The following TRPT1 variants were observed in gnomAD, a reference collection of about 807,000 sequenced individuals.
TRPT1 encodes the protein tRNA phosphotransferase 1.
Under a neutral mutation model 28.4 loss-of-function variants are expected in TRPT1, and 22 were observed. That is an observed-to-expected ratio of 0.78 (90% CI 0.55 to 1.11). TRPT1 has a LOEUF of 1.11. Among genes scored for constraint, TRPT1 ranks in the 50% least tolerant of loss-of-function variants. The pLI, the probability that TRPT1 is intolerant of heterozygous loss-of-function variation, is 0.00. For missense variants in TRPT1, 308 were observed against 317.7 expected (o/e 0.97, Z 0.23); for synonymous variants, 137 against 132.4 (o/e 1.03, Z -0.24).
intron 1 of TRPT1, 25 bp from the exon 2 acceptor site, chr11:64,225,894 G>T (rs1252996124): frequency 2.8e-6 from 4 of 1,406,856 alleles, no homozygotes; most frequent in East Asian, 2.5e-5. Flanking sequence ...GACGAGGGGG[G>T]ACTGCTTTAA....
chr11:64,224,779 G>T, intron 4 of TRPT1, 22 bp downstream of exon 4: 3 of 1,612,184 alleles, frequency 1.9e-6, no homozygotes, highest in Non-Finnish European at 2.5e-6. Context: ...ATCTCGTCTC[G>T]CACTTGTCCC....
chr11:64,225,874 G>A lies in TRPT1; in HGVS notation c.-9-5C>T. 4.5e-6 allele frequency: 7 copies of A among 1,539,506 alleles called. No individual in the cohort carries two copies. The highest frequency in any genetic ancestry group is 1.7e-4 in the Middle Eastern group (1 of 5,960). On this transcript the variant is annotated splice_region_variant and splice_polypyrimidine_tract_variant and intron_variant, in intron 1 of 7. Coordinates refer to ENST00000317459, the MANE Select transcript of TRPT1 (RefSeq NM_001033678.4). ...AGAGAAGTTCATGGTTAAGACCTGTGGGGGGCAGTGACGAGGGGGGACTGC... is the reference window on the plus strand; with the variant it reads ...AGAGAAGTTCATGGTTAAGACCTGTAGGGGGCAGTGACGAGGGGGGACTGC...
chr11:64,224,210 TCTG>T lies in TRPT1; in HGVS notation c.560-3_560-1del. The T allele has an allele frequency of 6.2e-7, 1 of 1,612,452 alleles. No individual in the cohort carries two copies. Among genetic ancestry groups the T allele is most frequent in the Non-Finnish European group, 8.5e-7 (1 of 1,178,876 alleles). On this transcript the variant is annotated splice_acceptor_variant and splice_polypyrimidine_tract_variant and intron_variant, in intron 6 of 7. Coordinates refer to ENST00000317459, the MANE Select transcript of TRPT1 (RefSeq NM_001033678.4). LOFTEE classifies it high-confidence loss of function. ...GGCAGAGCGGAAGAAGGGTATTCCA[TCTG>T]CTGACAGAGCCAGAGATGTGACTCA...
Position 64,224,099 on chromosome 11 carries a change from C to T in TRPT1, c.670+1G>A, listed in dbSNP as rs779904553. On this transcript the variant is annotated splice_donor_variant, in intron 7 of 7. Coordinates refer to ENST00000317459, the MANE Select transcript of TRPT1 (RefSeq NM_001033678.4). LOFTEE classifies it high-confidence loss of function. ...ATAGGGGCTGGGGTGGTGGTTCTCA[C>T]GGGTAGGGCGTAGCTGCAGGGCCTC... 25 of 1,606,152 alleles carry T rather than the reference C, an allele frequency of 1.6e-5. No homozygotes were observed. Among genetic ancestry groups the T allele is most frequent in the African/African-American group, 6.7e-5 (5 of 74,704 alleles).
At position 64,224,100 on chromosome 11, in the gene TRPT1, G is replaced by T. The variant is rs375889630; in HGVS notation, c.670C>A (p.Arg224=). 4 of 1,606,858 alleles carry T rather than the reference G, an allele frequency of 2.5e-6. No individual in the cohort carries two copies. Among genetic ancestry groups the T allele is most frequent in the Admixed American group, 1.7e-5 (1 of 59,468 alleles). Residue 224 remains arginine, a splice_region_variant and synonymous_variant, in exon 7 of 8, where the codon CGA becomes AGA. Coordinates refer to ENST00000317459, the MANE Select transcript of TRPT1 (RefSeq NM_001033678.4). ...FKEALQLRPT[R]KPLSLAGDEE... Reference sequence around the variant, plus strand: ...TAGGGGCTGGGGTGGTGGTTCTCACGGGTAGGGCGTAGCTGCAGGGCCTCC... The same window carrying T: ...TAGGGGCTGGGGTGGTGGTTCTCACTGGTAGGGCGTAGCTGCAGGGCCTCC...
chr11:64,225,904 A>G (rs1190992887), intron 1 of TRPT1, 35 bp from the exon 2 acceptor site: 2 of 1,284,094 alleles, frequency 1.6e-6, no homozygotes, highest in African/African-American at 1.5e-5. Context: ...GACTGCTTTA[A>G]GGCCCCTTCC....
At chr11:64,225,652 G>A (rs1946958768) in intron 2 of TRPT1, 72 bp from the exon 3 acceptor site, 3 of 1,480,094 alleles carry the variant, frequency 2.0e-6, no homozygotes, top group East Asian at 4.9e-5. Context: ...AACCCTCAAT[G>A]ACCCACTGCA....
At chr11:64,225,657 A>C in intron 2 of TRPT1, 77 bp from the exon 3 acceptor site, 2 of 1,459,206 alleles carry the variant, frequency 1.4e-6, no homozygotes, top group Non-Finnish European at 1.9e-6. Flanking sequence ...TCAATGACCC[A>C]CTGCAGAGAG....
rs1946792289 is a variant in TRPT1, at chr11:64,223,908, T to C, written c.730A>G (p.Ser244Gly). 6.2e-7 allele frequency: 1 copy of C among 1,612,682 alleles called. No individual in the cohort carries two copies. Among genetic ancestry groups the C allele is most frequent in the Non-Finnish European group, 8.5e-7 (1 of 1,179,338 alleles). Reference protein sequence around the residue: ...ETECQSSPKHSSRERRRIQQ With the variant: ...ETECQSSPKHGSRERRRIQQ ...TGGATCCTCCTCCTTTCTCTGGAGC[T>C]GTGCTTGGGGCTACTCTGACACTCT... is the stretch of plus-strand genomic sequence containing the variant. Residue 244 changes from serine to glycine, a missense_variant, in exon 8 of 8, where the codon AGC becomes GGC. Coordinates refer to ENST00000317459, the MANE Select transcript of TRPT1 (RefSeq NM_001033678.4).
Position 64,225,580 on chromosome 11 carries a change from C to T in TRPT1, c.76G>A (p.Asp26Asn), listed in dbSNP as rs779132385. The T allele has an allele frequency of 1.7e-5, 28 of 1,609,608 alleles. No individual in the cohort carries two copies. Among genetic ancestry groups the T allele is most frequent in the Middle Eastern group, 1.6e-4 (1 of 6,080 alleles). Residue 26 changes from aspartate (D) to asparagine (N), a missense_variant and splice_region_variant, in exon 3 of 8, where the codon GAC becomes AAC. Transcript: ENST00000317459. ...GCCTTGGACAGCTGCACGTCTCGGT[C>T]CTGAAAGAACCCAGCGGTGGCCCCT... The part of the protein sequence containing the change: ...GRRAPRPREQ[D>N]RDVQLSKALS...
chr11:64,225,925 C>G, intron 1 of TRPT1, 56 bp from the exon 2 acceptor site: 1 of 1,059,952 alleles, frequency 9.4e-7, no homozygotes, highest in South Asian at 1.4e-5. Flanking sequence ...ACGTCCCCAT[C>G]CCTCCCAGAA....
intron 2 of TRPT1, 81 bp from the exon 3 acceptor site, chr11:64,225,661 C>T: frequency 6.9e-7 from 1 of 1,449,534 alleles, no homozygotes; most frequent in Admixed American, 2.0e-5. Flanking sequence ...TGACCCACTG[C>T]AGAGAGAGCC....
chr11:64,223,843 C>CT lies in TRPT1; in HGVS notation c.*32dup. On this transcript the variant is annotated 3_prime_UTR_variant, in exon 8 of 8. Coordinates refer to ENST00000317459, the MANE Select transcript of TRPT1 (RefSeq NM_001033678.4). ...GTTTCAAACGAGTTCTTTCTTGTTACTTTTTAAAATTTCTTTTTTATAAAT... is the reference window on the plus strand; with the variant it reads ...GTTTCAAACGAGTTCTTTCTTGTTACTTTTTTAAAATTTCTTTTTTATAAAT... 1 of 1,426,172 alleles carries CT rather than the reference C, an allele frequency of 7.0e-7. No homozygotes were observed. The highest frequency in any genetic ancestry group is 9.5e-7 in the Non-Finnish European group (1 of 1,048,746). The allele number at this position is 1,426,172 out of a possible 1,614,324, so 88.3% of individuals were successfully genotyped here. A position where few individuals can be genotyped will look rare whatever the true frequency, so the allele number is the denominator to read the frequency against.
chr11:64,224,245 C>G (rs776426065), intron 6 of TRPT1, 35 bp from the exon 7 acceptor site: 1 of 1,612,994 alleles, frequency 6.2e-7, no homozygotes, highest in African/African-American at 1.3e-5. Flanking sequence ...CTCATGCCCT[C>G]CCCGAAGGCA....
downstream of TRPT1, chr11:64,223,802 A>G (rs1946784373): frequency 9.2e-7 from 1 of 1,082,462 alleles, no homozygotes; most frequent in Non-Finnish European, 1.3e-6. Flanking sequence ...ATGTAGCTAC[A>G]GGATGATGAA....
chr11:64,224,030 GGAGA>G, intron 7 of TRPT1, 63 bp from the exon 8 acceptor site: 2 of 1,589,688 alleles, frequency 1.3e-6, no homozygotes, highest in Non-Finnish European at 1.7e-6. Context: ...TTGGAAGCTA[GGAGA>G]GAGGTGAGGG....
chr11:64,225,609 C>T, intron 2 of TRPT1, 29 bp from the exon 3 acceptor site: 5 of 1,592,012 alleles, frequency 3.1e-6, no homozygotes, highest in Non-Finnish European at 4.3e-6. Flanking sequence ...GGCCCCTAGT[C>T]TCCATGGTGA....
intron 1 of TRPT1, 65 bp downstream of exon 1, chr11:64,225,985 T>C: frequency 1.5e-6 from 1 of 648,672 alleles, no homozygotes; most frequent in Non-Finnish European, 2.7e-6. Flanking sequence ...TACGGCTCAT[T>C]AAGTTCACCA....
At chr11:64,225,399 C>T (rs1946934150) in intron 3 of TRPT1, 100 bp downstream of exon 3, 1 of 999,290 alleles carries the variant, frequency 1.0e-6, no homozygotes, top group Non-Finnish European at 1.5e-6. Context: ...CACTCTGTGC[C>T]TTCCTCAGGG....
Sources: gnomAD v4.1 joint callset for allele counts on GRCh38, gnomAD v4.1.1 for gene constraint, MANE v1.5 for transcripts, NCBI Gene and HGNC (gene_info 2026-07-23, HGNC 2026-07-21) for gene names.